The following NR3C2 variants were observed in gnomAD, a reference collection of about 807,000 sequenced individuals.
NR3C2 encodes the protein nuclear receptor subfamily 3 group C member 2, also known as mineralocorticoid receptor.
Under a neutral mutation model 86.4 loss-of-function variants are expected in NR3C2, and 15 were observed. The observed-to-expected ratio is 0.17, with a 90% CI of 0.12 to 0.27. NR3C2 has a LOEUF of 0.27. Among genes scored for constraint, NR3C2 ranks in the 10% least tolerant of loss-of-function variants. The pLI is 1.00. For missense variants in NR3C2, 960 were observed against 1,195.6 expected, an observed-to-expected ratio of 0.80 and a Z score of 2.91; for synonymous variants, 458 against 450.5, an observed-to-expected ratio of 1.02 and a Z score of -0.21.
chr4:148,163,954 A>G (rs1046288372), intron 4 of NR3C2, among the ~76,000 whole-genome samples: 3 of 152,208 alleles, frequency 2.0e-5, no homozygotes, highest in Non-Finnish European at 4.4e-5. Flanking sequence ...ATTTGCAGAC[A>G]ACATCTAATG....
At chr4:148,127,245 T>TAAAAAA (rs1732795252) in intron 6 of NR3C2, among the ~76,000 whole-genome samples, 1 of 151,420 alleles carries the variant, frequency 6.6e-6, no homozygotes, top group Non-Finnish European at 1.5e-5. Flanking sequence ...GTGCATTTTT[T>TAAAAAA]TGCACAATTA....
chr4:148,301,487 C>CTTTT (rs753985077), intron 2 of NR3C2, among the ~76,000 whole-genome samples: 14 of 152,154 alleles, frequency 9.2e-5, no homozygotes, highest in African/African-American at 1.7e-4. Flanking sequence ...GTTAATCTTG[C>CTTTT]AAAAGAAATT....
intron 3 of NR3C2, among the ~76,000 whole-genome samples, chr4:148,200,146 G>A (rs958008100): frequency 3.5e-4 from 53 of 152,336 alleles, no homozygotes; most frequent in African/African-American, 1.2e-3. Flanking sequence ...CAGGCAGGAT[G>A]GGTAAAGAGG....
intron 2 of NR3C2, among the ~76,000 whole-genome samples, chr4:148,419,925 A>G (rs577163782): frequency 2.0e-5 from 3 of 152,178 alleles, no homozygotes; most frequent in Non-Finnish European, 4.4e-5. Context: ...TAATTAATCA[A>G]TGACTGTATG....
intron 4 of NR3C2, among the ~76,000 whole-genome samples, chr4:148,160,114 T>C (rs1734590493): frequency 6.6e-6 from 1 of 152,210 alleles, no homozygotes; most frequent in Admixed American, 6.5e-5. Flanking sequence ...AGTATGTGCT[T>C]AGTTGCTGCC....
At chr4:148,136,177 T>C (rs1247969518) in intron 6 of NR3C2, among the ~76,000 whole-genome samples, 1 of 151,674 alleles carries the variant, frequency 6.6e-6, no homozygotes, top group Non-Finnish European at 1.5e-5. Flanking sequence ...AGTCTTAGCA[T>C]GCCTAATTTC....
At chr4:148,147,115 A>T (rs1033472633) in intron 6 of NR3C2, among the ~76,000 whole-genome samples, 2 of 152,218 alleles carry the variant, frequency 1.3e-5, no homozygotes, top group Non-Finnish European at 2.9e-5. Flanking sequence ...TATAATAAGA[A>T]AAGTTCTATG....
chr4:148,185,079 G>A (rs1018805470), intron 4 of NR3C2, among the ~76,000 whole-genome samples: 8 of 152,268 alleles, frequency 5.3e-5, no homozygotes, highest in Non-Finnish European at 1.0e-4. Flanking sequence ...CACCACCTCC[G>A]CCACTGCCAA....
chr4:148,082,879 T>TG (rs1730642915), intron 8 of NR3C2, among the ~76,000 whole-genome samples: 1 of 151,406 alleles, frequency 6.6e-6, no homozygotes, highest in African/African-American at 2.4e-5. Flanking sequence ...TCGAGCTTGG[T>TG]GGGGGAAGGG....
intron 6 of NR3C2, among the ~76,000 whole-genome samples, chr4:148,145,568 C>A (rs887560458): frequency 6.6e-6 from 1 of 152,210 alleles, no homozygotes; most frequent in Non-Finnish European, 1.5e-5. Context: ...CCCTCAAATT[C>A]TTTCTTCTGA....
intron 2 of NR3C2, among the ~76,000 whole-genome samples, chr4:148,431,640 C>T (rs1056141110): frequency 6.6e-6 from 1 of 152,118 alleles, no homozygotes; most frequent in Admixed American, 6.6e-5. Context: ...CTTTCGTCAC[C>T]ACTCTCACTG....
chr4:148,300,422 T>G (rs1742278524), intron 2 of NR3C2, among the ~76,000 whole-genome samples: 1 of 152,224 alleles, frequency 6.6e-6, no homozygotes, highest in Non-Finnish European at 1.5e-5. Context: ...GAAAGGGATT[T>G]AAAAGGATTT....
intron 6 of NR3C2, among the ~76,000 whole-genome samples, chr4:148,127,079 G>A (rs1732787372): frequency 6.6e-6 from 1 of 152,108 alleles, no homozygotes; most frequent in Admixed American, 6.5e-5. Context: ...GTAACATTTT[G>A]TGTTTTCAAA....
rs190043387 is a variant in NR3C2, at chr4:148,178,196, C to T, written c.2014+16550G>A. On this transcript the variant is annotated intron_variant, in intron 4 of 8. Coordinates refer to ENST00000358102, the MANE Select transcript of NR3C2 (RefSeq NM_000901.5). Reference sequence around the variant, plus strand: ...TCTACTAAAAATTAGCTGGGTGTGGCGGAGCACGCCTGTAATACCAGCTAG... The same window carrying T: ...TCTACTAAAAATTAGCTGGGTGTGGTGGAGCACGCCTGTAATACCAGCTAG... 1.3e-4 allele frequency among the ~76,000 whole-genome samples: 19 copies of T among 151,880 alleles called. No individual in the cohort carries two copies. In the East Asian group the frequency reaches 2.5e-3, roughly 20 times the overall value.
chr4:148,438,188 G>A (rs972193168), intron 1 of NR3C2, among the ~76,000 whole-genome samples: 2 of 152,072 alleles, frequency 1.3e-5, no homozygotes, highest in African/African-American at 4.8e-5. Context: ...CTTAGTTGTG[G>A]AGGTCAATAA....
intron 1 of NR3C2, among the ~76,000 whole-genome samples, chr4:148,440,745 C>G (rs1198105172): frequency 6.6e-6 from 1 of 152,172 alleles, no homozygotes; most frequent in Non-Finnish European, 1.5e-5. Flanking sequence ...TAAAGTTTTA[C>G]GTTTTACAGT....
chr4:148,262,930 C>T (rs753670341), intron 2 of NR3C2, among the ~76,000 whole-genome samples: 1 of 152,248 alleles, frequency 6.6e-6, no homozygotes, highest in African/African-American at 2.4e-5. Flanking sequence ...TCTCCAAACA[C>T]TCCTCCAGCA....
intron 2 of NR3C2, among the ~76,000 whole-genome samples, chr4:148,430,560 CA>C: frequency 6.6e-6 from 1 of 152,062 alleles, no homozygotes; most frequent in South Asian, 2.1e-4. Flanking sequence ...TTAGCAATTT[CA>C]AAATCAAAAT....
intron 8 of NR3C2, among the ~76,000 whole-genome samples, chr4:148,094,659 G>C: frequency 6.6e-6 from 1 of 150,678 alleles, no homozygotes; most frequent in Non-Finnish European, 1.5e-5. Context: ...AGGTTGCAGT[G>C]AGCCGAGATT....
Sources: gnomAD v4.1 joint callset for allele counts (sites outside exome capture counted in the v4.1 genomes callset) on GRCh38, gnomAD v4.1.1 for gene constraint, MANE v1.5 for transcripts, NCBI Gene and HGNC (gene_info 2026-07-23, HGNC 2026-07-21) for gene names.